The following SOS1 variants were observed in gnomAD, a reference collection of about 807,000 sequenced individuals.
SOS1 encodes the protein son of sevenless homolog 1.
Under a neutral mutation model 157.6 loss-of-function variants are expected in SOS1, and 25 were observed. That is an observed-to-expected ratio of 0.16 (90% CI 0.12 to 0.22). The LOEUF is 0.22. Among genes scored for constraint, SOS1 ranks in the 10% least tolerant of loss-of-function variants. SOS1 has a pLI of 1.00. For missense variants in SOS1, 1,237 were observed against 1,599.1 expected, an observed-to-expected ratio of 0.77 and a Z score of 3.86; for synonymous variants, 528 against 534.0, an observed-to-expected ratio of 0.99 and a Z score of 0.16.
At position 38,986,735 on chromosome 2, in the gene SOS1, G is replaced by A. The variant is rs948105732; in HGVS notation, c.3511-420C>T. 1.1e-4 allele frequency among the ~76,000 whole-genome samples: 17 copies of A among 152,174 alleles called. No homozygotes were observed. The East Asian group carries it at 2.9e-3, about 26-fold the overall frequency. On this transcript the variant is annotated intron_variant, in intron 22 of 22. Coordinates refer to ENST00000402219, the MANE Select transcript of SOS1 (RefSeq NM_005633.4). Reference sequence around the variant, plus strand: ...AATTCATAGAAAAAAAAAGTTTGCCGTAGTTTTTACTTAAATTTTTTTCCT... The same window carrying A: ...AATTCATAGAAAAAAAAAGTTTGCCATAGTTTTTACTTAAATTTTTTTCCT...
At chr2:39,087,762 C>T (rs1672431039) in intron 1 of SOS1, among the ~76,000 whole-genome samples, 1 of 152,088 alleles carries the variant, frequency 6.6e-6, no homozygotes, top group African/African-American at 2.4e-5. Flanking sequence ...TTTGCCTCCC[C>T]TCTCCTCCCA....
chr2:39,022,900 A>T lies in SOS1; in HGVS notation c.1528T>A (p.Tyr510Asn), dbSNP rs201404055. 1.4e-5 allele frequency: 23 copies of T among 1,611,614 alleles called. No individual in the cohort carries two copies. Among genetic ancestry groups the T allele is most frequent in the Non-Finnish European group, 1.9e-5 (22 of 1,178,008 alleles). Residue 510 changes from tyrosine (Y) to asparagine (N), a missense_variant, in exon 10 of 23, where the codon TAC (tyrosine) becomes AAC (asparagine). Tyr to Asn is a moderately radical substitution (Grantham distance 143). Coordinates refer to ENST00000402219, the MANE Select transcript of SOS1 (RefSeq NM_005633.4). ...QINDKDDTNE[Y>N]KHAFEIILKD... ...AAAATTATTTCAAAAGCATGCTTGT[A>T]TTCATTGGTGTCATCTTTATCATTA...
rs1558468844 is a variant in SOS1 at position 39,012,131 on chromosome 2, T to C, written c.2385A>G (p.Leu795=). 6.3e-7 allele frequency: 1 copy of C among 1,595,090 alleles called. No individual in the cohort carries two copies. The highest frequency in any genetic ancestry group is 8.6e-7 in the Non-Finnish European group (1 of 1,162,788). ...TTGAATGTTAAATTACATACCGGTA[T>C]AGATCTGATTCAAGTAAAGTGAGTT... is the stretch of plus-strand genomic sequence containing the variant. The part of the protein sequence containing the change: ...ARQLTLLESD[L]YRAVQPSELV... The change falls in exon 14 of 23, where the codon CTA becomes CTG. Residue 795 remains leucine, a synonymous_variant. Coordinates refer to ENST00000402219, the MANE Select transcript of SOS1 (RefSeq NM_005633.4).
chr2:39,005,959 C>T (rs1240532214), intron 17 of SOS1, among the ~76,000 whole-genome samples: 2 of 152,046 alleles, frequency 1.3e-5, no homozygotes, highest in East Asian at 1.9e-4. Context: ...AAGGTACTTC[C>T]TTCCTCTGAT....
In SOS1 at chr2:38,985,072, GTTC is replaced by G. The variant is rs1040481586; in HGVS notation, c.*749_*751del. On this transcript the variant is annotated 3_prime_UTR_variant, in exon 23 of 23. Coordinates refer to ENST00000402219, the MANE Select transcript of SOS1 (RefSeq NM_005633.4). Reference sequence around the variant, plus strand: ...GTTGACAGTTATTTTTTTTTAAAAAGTTCTTCTGTCATGTTAATGACACAAAAC... The same window carrying G: ...GTTGACAGTTATTTTTTTTTAAAAAGTTCTGTCATGTTAATGACACAAAAC... 5 of 152,082 alleles carry G rather than the reference GTTC, an allele frequency of 3.3e-5. No individual in the cohort carries two copies. The highest frequency in any genetic ancestry group is 3.3e-4 in the Admixed American group (5 of 15,252). 9.4% of individuals were successfully genotyped at this position (152,082 alleles called of 1,614,324 possible).
chr2:39,062,817 A>G lies in SOS1; in HGVS notation c.214-4013T>C, dbSNP rs148456335. Among the ~76,000 whole-genome samples, 1,334 of 152,148 alleles carry G rather than the reference A, an allele frequency of 8.8e-3. 12 individuals carry two copies. The highest frequency in any genetic ancestry group is 0.027 in the Middle Eastern group (8 of 294). ...GGGTCAAACACAGGAAAAAAATATT[A>G]GCTTTTGCCTCTATTTTTTCAAAGT... On this transcript the variant is annotated intron_variant, in intron 2 of 22. Transcript: ENST00000402219.
At chr2:39,062,435 T>TAAAAAAAAAAAAAAAAA (rs397974197) in intron 2 of SOS1, among the ~76,000 whole-genome samples, 7 of 138,428 alleles carry the variant, frequency 5.1e-5, no homozygotes, top group Non-Finnish European at 9.3e-5. Context: ...AAAAAAAAAT[T>TAAAAAAAAAAAAAAAAA]AAAAAAAAAA....
chr2:39,118,223 G>A (rs1673727637), intron 1 of SOS1, among the ~76,000 whole-genome samples: 1 of 152,214 alleles, frequency 6.6e-6, no homozygotes, highest in African/African-American at 2.4e-5. Context: ...GGCAAAGAAG[G>A]ATGAAGGGAC....
At chr2:39,116,617 C>T (rs1247532697) in intron 1 of SOS1, among the ~76,000 whole-genome samples, 1 of 152,212 alleles carries the variant, frequency 6.6e-6, no homozygotes, top group Non-Finnish European at 1.5e-5. Flanking sequence ...ACCCTGTAAT[C>T]CTAGCACTTT....
chr2:39,006,546 T>A lies in SOS1; in HGVS notation c.2674-17A>T, dbSNP rs774128271. On this transcript the variant is annotated splice_polypyrimidine_tract_variant and intron_variant, in intron 16 of 22. Transcript: ENST00000402219. ...TGGTATTTGCTATAAGGAAAAAAAATAGGCGTAAGTTTACAAAAGGAATCA... is the reference window on the plus strand; with the variant it reads ...TGGTATTTGCTATAAGGAAAAAAAAAAGGCGTAAGTTTACAAAAGGAATCA... The A allele has an allele frequency of 4.0e-6, 5 of 1,246,778 alleles. No individual in the cohort carries two copies. In the Admixed American group the frequency reaches 5.0e-5, roughly 13 times the overall value. 77.2% of individuals were successfully genotyped at this position (1,246,778 alleles called of 1,614,324 possible).
At chr2:39,111,736 T>C (rs1443573599) in intron 1 of SOS1, among the ~76,000 whole-genome samples, 2 of 151,980 alleles carry the variant, frequency 1.3e-5, no homozygotes, top group East Asian at 3.9e-4. Context: ...TTTTTTTTTT[T>C]TTCTTTTTTT....
At chr2:39,066,608 C>G (rs964187550) in intron 2 of SOS1, among the ~76,000 whole-genome samples, 8 of 152,204 alleles carry the variant, frequency 5.3e-5, no homozygotes, top group African/African-American at 1.4e-4. Flanking sequence ...ATACTCTTTA[C>G]TCATAGAATA....
At chr2:39,091,466 C>A (rs1369089789) in intron 1 of SOS1, among the ~76,000 whole-genome samples, 1 of 151,918 alleles carries the variant, frequency 6.6e-6, no homozygotes, top group Admixed American at 6.6e-5. Flanking sequence ...GTCTATAAGC[C>A]CCTTAACTCT....
intron 10 of SOS1, among the ~76,000 whole-genome samples, chr2:39,022,221 AAAAG>A (rs1295107413): frequency 6.6e-6 from 1 of 151,818 alleles, no homozygotes; most frequent in Non-Finnish European, 1.5e-5. Context: ...CAGAAATGGA[AAAAG>A]AAGAAAGAAA....
At position 39,071,672 on chromosome 2, in the gene SOS1, A is replaced by G. The variant is rs188356802; in HGVS notation, c.88-3919T>C. ...CTAGACATTCGAAAAGATGTTTTAG[A>G]AAGTATTCAAGAAAGTATGATTAAG... On this transcript the variant is annotated intron_variant, in intron 1 of 22. Coordinates refer to ENST00000402219, the MANE Select transcript of SOS1 (RefSeq NM_005633.4). 1.4e-4 allele frequency among the ~76,000 whole-genome samples: 22 copies of G among 152,340 alleles called. No individual in the cohort carries two copies. The East Asian group carries it at 3.7e-3, about 25-fold the overall frequency.
chr2:38,982,779 A>T lies in SOS1; in HGVS notation c.*3045T>A, dbSNP rs1668441586. On this transcript the variant is annotated 3_prime_UTR_variant, in exon 23 of 23. Transcript: ENST00000402219. ...GATTAAGCTAAACTTGAGAATTAAG[A>T]TCATGACCATAAATACCAACTAATT... 1 of 152,182 alleles carries T rather than the reference A, an allele frequency of 6.6e-6. No homozygotes were observed. The highest frequency in any genetic ancestry group is 2.1e-4 in the South Asian group (1 of 4,838). 9.4% of individuals were successfully genotyped at this position (152,182 alleles called of 1,614,324 possible). A position where few individuals can be genotyped will look rare whatever the true frequency, so the allele number is the denominator to read the frequency against.
chr2:38,988,073 T>G (rs1476968972), intron 21 of SOS1, among the ~76,000 whole-genome samples: 2 of 152,168 alleles, frequency 1.3e-5, no homozygotes, highest in Non-Finnish European at 2.9e-5. Flanking sequence ...TCCCTAGCAT[T>G]TCTCTCAAAG....
At position 38,984,813 on chromosome 2, in the gene SOS1, T is replaced by C. The variant is rs996324100; in HGVS notation, c.*1011A>G. On this transcript the variant is annotated 3_prime_UTR_variant, in exon 23 of 23. Transcript: ENST00000402219. ...TAACATTCACTATATACATATGATT[T>C]AGGCAATGCAAGATAATTCTAGATA... 6.6e-6 allele frequency: 1 copy of C among 152,230 alleles called. No individual in the cohort carries two copies. Among genetic ancestry groups the C allele is most frequent in the African/African-American group, 2.4e-5 (1 of 41,470 alleles). The allele number at this position is 152,230 out of a possible 1,614,324, so 9.4% of individuals were successfully genotyped here.
At chr2:39,000,539 A>G (rs1669059497) in intron 17 of SOS1, among the ~76,000 whole-genome samples, 1 of 152,204 alleles carries the variant, frequency 6.6e-6, no homozygotes, top group South Asian at 2.1e-4. Flanking sequence ...AAGAGAAAAC[A>G]GAGCATTATG....
Sources: gnomAD v4.1 joint callset for allele counts (sites outside exome capture counted in the v4.1 genomes callset) on GRCh38, gnomAD v4.1.1 for gene constraint, MANE v1.5 for transcripts, NCBI Gene and HGNC (gene_info 2026-07-23, HGNC 2026-07-21) for gene names.